Variants in MBNL2 observed in about 807,000 individuals in gnomAD.
The protein encoded by MBNL2 is muscleblind-like protein 2.
In MBNL2, 17 loss-of-function variants were observed where a neutral mutation model predicts 41.9. The ratio of observed to expected loss-of-function variants is 0.41; its 90% CI spans 0.28 to 0.61. MBNL2 has a LOEUF of 0.61. Among genes scored for constraint, MBNL2 ranks in the 20% least tolerant of loss-of-function variants. The pLI, the probability that MBNL2 is intolerant of heterozygous loss-of-function variation, is 0.35. For synonymous variants in MBNL2, 195 were observed against 182.9 expected (o/e 1.07, Z -0.53); for missense variants, 336 against 505.6 (o/e 0.66, Z 3.22).
chr13:97,207,488 A>T, the MBNL2 span, among the ~76,000 whole-genome samples: 1 of 152,140 alleles, frequency 6.6e-6, no homozygotes, highest in Non-Finnish European at 1.5e-5. Context: ...TAGAAAGCTC[A>T]TGCAGGGGAA....
chr13:97,320,293 T>C, intron 2 of MBNL2, among the ~76,000 whole-genome samples: 1 of 145,954 alleles, frequency 6.9e-6, no homozygotes, highest in African/African-American at 2.5e-5. Flanking sequence ...AGTCTCTCAC[T>C]CTGTCACCCA....
chr13:97,160,003 G>A, the MBNL2 span, among the ~76,000 whole-genome samples: 6 of 151,968 alleles, frequency 3.9e-5, no homozygotes, highest in South Asian at 2.1e-4. Flanking sequence ...TTCCAACTTC[G>A]TTCCATTCTC....
At chr13:97,354,270 G>A (rs149627252) in intron 5 of MBNL2, among the ~76,000 whole-genome samples, 41 of 152,288 alleles carry the variant, frequency 2.7e-4, no homozygotes, top group African/African-American at 9.9e-4. Flanking sequence ...TTCTAAGCCT[G>A]AAGATCTTTC....
the MBNL2 span, among the ~76,000 whole-genome samples, chr13:97,183,652 C>A: frequency 6.6e-6 from 1 of 152,200 alleles, no homozygotes; most frequent in Non-Finnish European, 1.5e-5. Context: ...TCCAAAAGCA[C>A]CTTGCCCAGC....
At chr13:97,349,525 T>C (rs1223826320) in intron 5 of MBNL2, among the ~76,000 whole-genome samples, 1 of 152,022 alleles carries the variant, frequency 6.6e-6, no homozygotes, top group African/African-American at 2.4e-5. Flanking sequence ...CAAAATTTGT[T>C]TATTTATTTG....
intron 1 of MBNL2, among the ~76,000 whole-genome samples, chr13:97,240,733 A>C (rs780666872): frequency 2.6e-5 from 4 of 152,210 alleles, no homozygotes; most frequent in Non-Finnish European, 5.9e-5. Flanking sequence ...GACTAAAGGA[A>C]TCATAGTATT....
intron 6 of MBNL2, 34 bp from the exon 7 acceptor site, chr13:97,357,448 G>C: frequency 1.0e-5 from 16 of 1,596,960 alleles, no homozygotes; most frequent in Non-Finnish European, 1.3e-5. Flanking sequence ...TTTGCTTTAA[G>C]TTAGACATAT....
chr13:97,232,890 T>TGC (rs1438030656), intron 1 of MBNL2, among the ~76,000 whole-genome samples: 1,964 of 134,540 alleles, frequency 0.015, 26 homozygotes, highest in Middle Eastern at 0.038. Flanking sequence ...TGTGTGTGTG[T>TGC]GCGCACGTAC....
chr13:97,239,603 C>A (rs1017008648), intron 1 of MBNL2, among the ~76,000 whole-genome samples: 3 of 152,216 alleles, frequency 2.0e-5, no homozygotes, highest in Non-Finnish European at 4.4e-5. Flanking sequence ...GCCAGCTATG[C>A]TCCAATCCCT....
rs1459382316 is a variant in MBNL2 at position 97,320,511 on chromosome 13, C to T, written c.175-13765C>T. 2.0e-5 allele frequency among the ~76,000 whole-genome samples: 3 copies of T among 151,856 alleles called. No individual in the cohort carries two copies. In the East Asian group the frequency reaches 5.9e-4, roughly 30 times the overall value. On this transcript the variant is annotated intron_variant, in intron 2 of 8. Coordinates refer to ENST00000679496, the MANE Select transcript of MBNL2 (RefSeq NM_001382683.1). The stretch of plus-strand genomic sequence containing the variant: ...GACCTCATGATCCACCCACCTCAGG[C>T]TCCCAAAGTGCTGGAATTACAGGCG...
the MBNL2 span, among the ~76,000 whole-genome samples, chr13:97,192,800 C>T: frequency 6.6e-6 from 1 of 152,206 alleles, no homozygotes; most frequent in Admixed American, 6.5e-5. Context: ...AGCTGCAATG[C>T]CTCTAAAGGT....
intron 2 of MBNL2, among the ~76,000 whole-genome samples, chr13:97,312,667 AG>A (rs2058714106): frequency 6.6e-6 from 1 of 152,238 alleles, no homozygotes; most frequent in Non-Finnish European, 1.5e-5. Flanking sequence ...CCATTGAGTT[AG>A]AATTCTAAGT....
At chr13:97,175,318 G>A in the MBNL2 span, among the ~76,000 whole-genome samples, 371 of 152,178 alleles carry the variant, frequency 2.4e-3, 2 homozygotes, top group African/African-American at 8.4e-3. Flanking sequence ...TCCTTCATAG[G>A]TGTCTCCCCC....
chr13:97,357,385 C>A, intron 6 of MBNL2, 97 bp from the exon 7 acceptor site: 2 of 1,045,384 alleles, frequency 1.9e-6, no homozygotes. Context: ...CCTTAGCTGT[C>A]ATTTTTAAAA....
intron 6 of MBNL2, 126 bp downstream of exon 6, chr13:97,356,975 G>T: frequency 4.7e-6 from 2 of 427,404 alleles, no homozygotes; most frequent in South Asian, 2.9e-5. Context: ...AATCCAATAA[G>T]GTGTTTAGCC....
chr13:97,174,242 G>A, the MBNL2 span, among the ~76,000 whole-genome samples: 2 of 152,142 alleles, frequency 1.3e-5, no homozygotes, highest in African/African-American at 4.8e-5. Context: ...GCATTCAGGA[G>A]GGAATGGCTT....
intron 1 of MBNL2, among the ~76,000 whole-genome samples, chr13:97,227,766 G>A (rs538820506): frequency 1.3e-5 from 2 of 152,294 alleles, no homozygotes; most frequent in South Asian, 2.1e-4. Context: ...TGGGCAGCGT[G>A]TGCATTTAGA....
chr13:97,366,810 C>A lies in MBNL2; in HGVS notation c.1048+1639C>A. 2.0e-6 allele frequency: 1 copy of A among 506,464 alleles called. No homozygotes were observed. The highest frequency in any genetic ancestry group is 3.6e-6 in the Non-Finnish European group (1 of 280,370). 31.4% of individuals were successfully genotyped at this position (506,464 alleles called of 1,614,324 possible). A position where few individuals can be genotyped will look rare whatever the true frequency, so the allele number is the denominator to read the frequency against. ...AATATTGTGTAATTAACCTGACAGG[C>A]TTAAATTCCTTTTAGTACAGCATTA... On this transcript the variant is annotated intron_variant, in intron 8 of 8. Coordinates refer to ENST00000679496, the MANE Select transcript of MBNL2 (RefSeq NM_001382683.1). The surrounding 1 kb of genome is among the most constrained non-coding windows in gnomAD (Gnocchi z 4.7).
rs1241581924 is a variant in MBNL2 at position 97,368,598 on chromosome 13, ATTTGACCATGTGTC to A, written c.1048+3428_1048+3441del. ...GATAAATTATTTTAGCATAATAAAT[ATTTGACCATGTGTC>A]ATATATATTGTTCAAGCCTAGTGAT... is the stretch of plus-strand genomic sequence containing the variant. On this transcript the variant is annotated intron_variant, in intron 8 of 8. Transcript: ENST00000679496. Among the ~76,000 whole-genome samples the A allele has an allele frequency of 7.2e-3, 872 of 120,974 alleles. 8 individuals are homozygous for A. Among genetic ancestry groups the A allele is most frequent in the African/African-American group, 0.019 (652 of 34,616 alleles). The allele number at this position is 120,974 out of a possible 152,430, so 79.4% of individuals were successfully genotyped here.
Sources: allele counts gnomAD v4.1 joint callset (sites outside exome capture counted in the v4.1 genomes callset), GRCh38; gene constraint gnomAD v4.1.1; non-coding constraint Gnocchi (gnomAD v3.1); transcripts MANE v1.5; gene names NCBI Gene and HGNC (gene_info 2026-07-23, HGNC 2026-07-21).